DZIP1: variants seen among roughly 807,000 people sequenced by gnomAD.
DZIP1 encodes DAZ interacting zinc finger protein 1.
DZIP1 carries 97 observed loss-of-function variants against 107.6 expected under a neutral mutation model. The observed-to-expected ratio is 0.90, with a 90% CI of 0.77 to 1.07. The LOEUF (loss-of-function observed/expected upper bound fraction) is 1.07. Among genes scored for constraint, DZIP1 ranks in the 50% least tolerant of loss-of-function variants. The probability of loss-of-function intolerance (pLI) is 0.00; values close to 1 mark genes in which losing one functional copy is unlikely to be tolerated. For missense variants in DZIP1, 1,035 were observed against 1,063.6 expected, an observed-to-expected ratio of 0.97 and a Z score of 0.37; for synonymous variants, 390 against 386.4, an observed-to-expected ratio of 1.01 and a Z score of -0.11.
At chr13:95,627,470 C>T (rs1317657850) in intron 7 of DZIP1, among the ~76,000 whole-genome samples, 1 of 152,080 alleles carries the variant, frequency 6.6e-6, no homozygotes, top group Non-Finnish European at 1.5e-5. Flanking sequence ...AAAAAATGGG[C>T]AAAGGATTTG....
intron 14 of DZIP1, among the ~76,000 whole-genome samples, chr13:95,604,123 C>T (rs1293392090): frequency 6.6e-6 from 1 of 152,190 alleles, no homozygotes; most frequent in Non-Finnish European, 1.5e-5. Flanking sequence ...CTTCGCCCAA[C>T]CCTGCTTCTC....
rs1186550270 is a variant in DZIP1, at chr13:95,622,487, GAT to G, written c.973-9_973-8del. On this transcript the variant is annotated splice_region_variant and splice_polypyrimidine_tract_variant and intron_variant, in intron 8 of 22. Coordinates refer to ENST00000376829, the MANE Select transcript of DZIP1 (RefSeq NM_198968.4). ...TCTGGATTTCTGACAGTTGCTATAA[GAT>G]AAAATTCAAGCTCAGTACTACAGTT... 2 of 1,613,916 alleles carry G rather than the reference GAT, an allele frequency of 1.2e-6. No homozygotes were observed. The highest frequency in any genetic ancestry group is 2.7e-5 in the African/African-American group (2 of 74,892).
At chr13:95,624,683 T>G in intron 8 of DZIP1, 85 bp downstream of exon 8, 2 of 1,216,084 alleles carry the variant, frequency 1.6e-6, no homozygotes, top group South Asian at 1.4e-5. Flanking sequence ...ATAAAGTAAC[T>G]GCTGGATCCC....
At chr13:95,584,437 A>G (rs913593286) in intron 22 of DZIP1, 1 of 281,906 alleles carries the variant, frequency 3.5e-6, no homozygotes, top group Non-Finnish European at 5.4e-6. Flanking sequence ...TTAAGGTTGC[A>G]GTGAGCCATG....
At chr13:95,612,593 G>T (rs1227749054) in intron 10 of DZIP1, among the ~76,000 whole-genome samples, 2 of 150,954 alleles carry the variant, frequency 1.3e-5, no homozygotes, top group Non-Finnish European at 3.0e-5. Flanking sequence ...TTTTGTTGTT[G>T]TTTTTTTTTG....
Position 95,624,947 on chromosome 13 carries a change from C to T in DZIP1, c.811-18G>A, listed in dbSNP as rs777650968. On this transcript the variant is annotated intron_variant, in intron 7 of 22. Coordinates refer to ENST00000376829, the MANE Select transcript of DZIP1 (RefSeq NM_198968.4). ...TCATATTCCTGAAATTATTTTAATA[C>T]ACATCTTTAAAAGTTCTGGTCTGAA... 1.1e-5 allele frequency: 17 copies of T among 1,571,090 alleles called. No individual in the cohort carries two copies. The East Asian group carries it at 3.6e-4, about 33-fold the overall frequency.
intron 6 of DZIP1, among the ~76,000 whole-genome samples, chr13:95,632,782 T>A (rs1877343915): frequency 6.6e-6 from 1 of 152,092 alleles, no homozygotes; most frequent in Non-Finnish European, 1.5e-5. Flanking sequence ...AGCCCTTCTG[T>A]TCCTCAAACA....
chr13:95,589,937 AAT>A lies in DZIP1; in HGVS notation c.1844-7_1844-6del. 6.2e-7 allele frequency: 1 copy of A among 1,612,650 alleles called. No individual in the cohort carries two copies. Among genetic ancestry groups the A allele is most frequent in the Non-Finnish European group, 8.5e-7 (1 of 1,179,594 alleles). On this transcript the variant is annotated splice_region_variant and splice_polypyrimidine_tract_variant and intron_variant, in intron 17 of 22. Transcript: ENST00000376829. ...TTTGAGAAACACTGCACTGATCTGG[AAT>A]ATAGTGTCATTCATGAGTCTCCATT...
chr13:95,636,743 G>T (rs1360887849), intron 5 of DZIP1, among the ~76,000 whole-genome samples: 1 of 152,156 alleles, frequency 6.6e-6, no homozygotes, highest in South Asian at 2.1e-4. Flanking sequence ...ACTGCATAAA[G>T]GTAACTGGTT....
intron 12 of DZIP1, among the ~76,000 whole-genome samples, chr13:95,610,341 C>G (rs1365447027): frequency 6.6e-6 from 1 of 151,184 alleles, no homozygotes; most frequent in African/African-American, 2.4e-5. Flanking sequence ...ATGTGGGTCT[C>G]ACTCTGTCAC....
At chr13:95,629,700 G>A (rs1196846156) in intron 7 of DZIP1, among the ~76,000 whole-genome samples, 2 of 152,204 alleles carry the variant, frequency 1.3e-5, no homozygotes, top group Non-Finnish European at 2.9e-5. Flanking sequence ...CTTTAGCCCA[G>A]TGAGAATGAG....
At chr13:95,599,527 G>T in intron 14 of DZIP1, 103 bp from the exon 15 acceptor site, 1 of 1,045,164 alleles carries the variant, frequency 9.6e-7, no homozygotes, top group Non-Finnish European at 1.5e-6. Flanking sequence ...TGGTATTTTA[G>T]TCATGCCTGA....
chr13:95,640,754 C>A (rs1878393181), intron 5 of DZIP1, among the ~76,000 whole-genome samples: 1 of 152,130 alleles, frequency 6.6e-6, no homozygotes, highest in African/African-American at 2.4e-5. Context: ...TTAGGATCTG[C>A]AACTCACTGT....
chr13:95,598,494 T>C (rs776198064), intron 15 of DZIP1, among the ~76,000 whole-genome samples: 7 of 152,052 alleles, frequency 4.6e-5, no homozygotes, highest in Non-Finnish European at 7.4e-5. Flanking sequence ...AAAAATAAAA[T>C]GGTAAATGTC....
At chr13:95,619,576 T>C (rs915720241) in intron 10 of DZIP1, among the ~76,000 whole-genome samples, 4 of 152,186 alleles carry the variant, frequency 2.6e-5, no homozygotes, top group African/African-American at 9.7e-5. Context: ...TTTTCTTTTT[T>C]GTGTGTGGCA....
At position 95,579,609 on chromosome 13, in the gene DZIP1, T is replaced by C. The variant is rs2043986349; in HGVS notation, c.*2625A>G. On this transcript the variant is annotated 3_prime_UTR_variant, in exon 23 of 23. Coordinates refer to ENST00000376829, the MANE Select transcript of DZIP1 (RefSeq NM_198968.4). ...TATCTTTGAGTAAGAAACTGTCCGA[T>C]ATGAATCACAACGTGGGTGAATGTA... 6.6e-6 allele frequency: 1 copy of C among 152,140 alleles called. No homozygotes were observed. The highest frequency in any genetic ancestry group is 1.5e-5 in the Non-Finnish European group (1 of 68,028). The allele number at this position is 152,140 out of a possible 1,614,324, so 9.4% of individuals were successfully genotyped here.
intron 10 of DZIP1, among the ~76,000 whole-genome samples, chr13:95,614,020 G>A (rs1369955838): frequency 1.3e-5 from 2 of 151,810 alleles, no homozygotes; most frequent in African/African-American, 4.8e-5. Context: ...TAGTTCCTCG[G>A]GAGGCTGAGG....
Position 95,589,225 on chromosome 13 carries a change from A to G in DZIP1, c.1974-18T>C, listed in dbSNP as rs751023884. The G allele has an allele frequency of 8.6e-6, 13 of 1,514,742 alleles. No individual in the cohort carries two copies. The highest frequency in any genetic ancestry group is 1.1e-5 in the Non-Finnish European group (12 of 1,102,290). The allele number at this position is 1,514,742 out of a possible 1,614,324, so 93.8% of individuals were successfully genotyped here. ...TCTTAATTCTAAAAAAACAACAGAA[A>G]AATATTTTTAAATTGCATAAGTTAA... On this transcript the variant is annotated intron_variant, in intron 18 of 22. Coordinates refer to ENST00000376829, the MANE Select transcript of DZIP1 (RefSeq NM_198968.4).
chr13:95,631,186 T>C (rs1479582317), intron 6 of DZIP1, among the ~76,000 whole-genome samples: 1 of 152,168 alleles, frequency 6.6e-6, no homozygotes, highest in East Asian at 1.9e-4. Flanking sequence ...TCGGGCACAG[T>C]GGCTCACGCC....
Sources: gnomAD v4.1 joint callset for allele counts (sites outside exome capture counted in the v4.1 genomes callset) on GRCh38, gnomAD v4.1.1 for gene constraint, MANE v1.5 for transcripts, NCBI Gene and HGNC (gene_info 2026-07-23, HGNC 2026-07-21) for gene names.